Variants in GRK4 observed in about 807,000 individuals in gnomAD.
GRK4 encodes G protein-coupled receptor kinase 4.
Under a neutral mutation model 77.9 loss-of-function variants are expected in GRK4, and 73 were observed. That is an observed-to-expected ratio of 0.94 (90% CI 0.78 to 1.14). The LOEUF is 1.14. Among genes scored for constraint, GRK4 ranks in the 50% most tolerant of loss-of-function variants. The probability of loss-of-function intolerance (pLI) is 0.00; values close to 1 mark genes in which losing one functional copy is unlikely to be tolerated. For missense variants in GRK4, 729 were observed against 700.2 expected, an observed-to-expected ratio of 1.04 and a Z score of -0.46; for synonymous variants, 257 against 254.4, an observed-to-expected ratio of 1.01 and a Z score of -0.10.
chr4:3,038,268 T>C (rs1685266039), intron 14 of GRK4, 108 bp from the exon 15 acceptor site: 1 of 1,396,358 alleles, frequency 7.2e-7, no homozygotes, highest in African/African-American at 1.5e-5. Context: ...GTGCAGGAGC[T>C]CTGAGGTGCC....
chr4:3,000,170 C>T (rs940087772), intron 4 of GRK4, among the ~76,000 whole-genome samples: 2 of 152,196 alleles, frequency 1.3e-5, no homozygotes, highest in African/African-American at 4.8e-5. Context: ...CCCCAGAAGT[C>T]TCAGTTCTGC....
At position 2,988,766 on chromosome 4, in the gene GRK4, GAA is replaced by G. The variant is rs1725213484; in HGVS notation, c.189_190del (p.Arg64ThrfsTer8). ...AGTCTTTGTGACAAGCAACCGATAG[GAA>G]GACGTCTCTTCAGGCAGTTCTGTGA... is the stretch of plus-strand genomic sequence containing the variant. On this transcript the variant is annotated frameshift_variant, in exon 3 of 16. Transcript: ENST00000398052. LOFTEE classifies it high-confidence loss of function. 6.2e-7 allele frequency: 1 copy of G among 1,612,992 alleles called. No homozygotes were observed. The highest frequency in any genetic ancestry group is 8.5e-7 in the Non-Finnish European group (1 of 1,179,220).
chr4:3,007,931 A>G (rs939248543), intron 6 of GRK4, 103 bp downstream of exon 6: 3 of 747,720 alleles, frequency 4.0e-6, no homozygotes, highest in Admixed American at 2.4e-5. Flanking sequence ...TAAGCCCAAG[A>G]CTTCAAGGCT....
At chr4:3,028,057 C>G (rs544322152) in intron 11 of GRK4, 56 bp downstream of exon 11, 2 of 1,482,190 alleles carry the variant, frequency 1.3e-6, no homozygotes, top group Non-Finnish European at 1.9e-6. Flanking sequence ...CTGAGTGCCT[C>G]AGAACACAGA....
chr4:3,008,947 T>C (rs1297204507), intron 6 of GRK4, among the ~76,000 whole-genome samples: 6 of 152,186 alleles, frequency 3.9e-5, no homozygotes, highest in Non-Finnish European at 8.8e-5. Context: ...TTTCAAAGGA[T>C]GGCACAACGT....
intron 4 of GRK4, among the ~76,000 whole-genome samples, 200 bp from the exon 5 acceptor site, chr4:3,004,031 T>C (rs1730590062): frequency 6.6e-6 from 1 of 152,254 alleles, no homozygotes; most frequent in Non-Finnish European, 1.5e-5. Flanking sequence ...GTGTGTGTTT[T>C]GATATGCATC....
Position 2,992,257 on chromosome 4 carries a change from G to A in GRK4, c.304G>A (p.Gly102Arg). The A allele has an allele frequency of 6.2e-7, 1 of 1,608,490 alleles. No homozygotes were observed. Among genetic ancestry groups the A allele is most frequent in the Non-Finnish European group, 8.5e-7 (1 of 1,175,260 alleles). Residue 102 changes from glycine to arginine, a missense_variant, in exon 4 of 16, where the codon GGA (glycine) becomes AGA (arginine). By Grantham distance (125) the Gly-to-Arg change is moderately radical (BLOSUM62 -2). Transcript: ENST00000398052. ...CGATGATGAGGACCGAAGTGATTGT[G>A]GACTGTCAATCTTAGATAGATTCTT... ...VADDEDRSDC[G>R]LSILDRFFND...
chr4:3,025,162 T>G (rs956551029), intron 10 of GRK4, among the ~76,000 whole-genome samples: 26 of 150,986 alleles, frequency 1.7e-4, no homozygotes, highest in African/African-American at 5.8e-4. Flanking sequence ...TCCCAGCTAC[T>G]TGAGGGGCTG....
rs148874315 is a variant in GRK4, at chr4:2,993,950, A to G, written c.339+1658A>G. Among the ~76,000 whole-genome samples the G allele has an allele frequency of 2.2e-3, 338 of 152,332 alleles. 1 individual carries two copies. Among genetic ancestry groups the G allele is most frequent in the African/African-American group, 7.6e-3 (315 of 41,576 alleles). On this transcript the variant is annotated intron_variant, in intron 4 of 15. Transcript: ENST00000398052. ...AACATAGCCAACTGGATATAGGGCCATCATCTTAGGGGAGCTTCGTTGTAC... is the reference window on the plus strand; with the variant it reads ...AACATAGCCAACTGGATATAGGGCCGTCATCTTAGGGGAGCTTCGTTGTAC...
At chr4:3,018,975 A>G (rs899970791) in intron 8 of GRK4, among the ~76,000 whole-genome samples, 2 of 152,160 alleles carry the variant, frequency 1.3e-5, no homozygotes, top group Admixed American at 6.6e-5. Context: ...TCCCTAATTG[A>G]TCTGTAGATT....
At chr4:3,010,244 G>A (rs555385492) in intron 7 of GRK4, among the ~76,000 whole-genome samples, 1 of 151,908 alleles carries the variant, frequency 6.6e-6, no homozygotes, top group African/African-American at 2.4e-5. Flanking sequence ...GTTTTGTTTT[G>A]AGATGGAGTT....
intron 2 of GRK4, among the ~76,000 whole-genome samples, chr4:2,984,821 A>AT (rs1411025292): frequency 1.3e-5 from 2 of 151,916 alleles, no homozygotes; most frequent in South Asian, 2.1e-4. Flanking sequence ...AAAAATATAT[A>AT]TTTTTTATAG....
At chr4:2,978,280 T>A (rs1721790787) in intron 1 of GRK4, among the ~76,000 whole-genome samples, 1 of 152,264 alleles carries the variant, frequency 6.6e-6, no homozygotes, top group Admixed American at 6.5e-5. Context: ...GATAATATGC[T>A]AAGTTTTTAA....
intron 1 of GRK4, among the ~76,000 whole-genome samples, chr4:2,975,538 T>C (rs1373830068): frequency 6.6e-6 from 1 of 152,068 alleles, no homozygotes; most frequent in Non-Finnish European, 1.5e-5. Context: ...GTGGGGAACA[T>C]TCCTTGATTA....
chr4:2,985,078 T>G (rs944783707), intron 2 of GRK4, among the ~76,000 whole-genome samples: 3 of 152,158 alleles, frequency 2.0e-5, no homozygotes, highest in African/African-American at 7.2e-5. Context: ...TAAGTATTGT[T>G]TAGTAGCCTT....
intron 1 of GRK4, among the ~76,000 whole-genome samples, chr4:2,979,403 C>CAAAAAAAA (rs144374548): frequency 5.1e-5 from 3 of 59,190 alleles, no homozygotes; most frequent in Non-Finnish European, 9.3e-5. Context: ...GACTCTGTCT[C>CAAAAAAAA]AAAAAAAAAA....
chr4:2,991,281 C>G (rs373791992), intron 3 of GRK4, among the ~76,000 whole-genome samples: 1 of 152,278 alleles, frequency 6.6e-6, no homozygotes, highest in Non-Finnish European at 1.5e-5. Context: ...CTGATTAGGT[C>G]AGAGCCACCT....
intron 2 of GRK4, chr4:2,986,961 T>C (rs1280293522): frequency 2.5e-5 from 8 of 314,594 alleles, no homozygotes; most frequent in South Asian, 2.6e-5. Context: ...TTCTTGAAGA[T>C]ATAATTCATA....
At chr4:3,012,549 A>T (rs1312825265) in intron 7 of GRK4, among the ~76,000 whole-genome samples, 1 of 152,188 alleles carries the variant, frequency 6.6e-6, no homozygotes, top group Non-Finnish European at 1.5e-5. Flanking sequence ...TATTTTATTG[A>T]TAGATAAAAT....
Sources: allele counts gnomAD v4.1 joint callset (sites outside exome capture counted in the v4.1 genomes callset), GRCh38; gene constraint gnomAD v4.1.1; transcripts MANE v1.5; gene names NCBI Gene and HGNC (gene_info 2026-07-23, HGNC 2026-07-21).